LRP1B: variants seen among roughly 807,000 people sequenced by gnomAD.
LRP1B encodes the protein LDL receptor related protein 1B.
A neutral mutation model predicts 556.6 loss-of-function variants in LRP1B; 217 were observed. The ratio of observed to expected loss-of-function variants is 0.39; its 90% CI spans 0.35 to 0.44. The LOEUF is 0.44. LRP1B is among the 20% of genes least tolerant of loss of function. The pLI is 1.00. For synonymous variants in LRP1B, 2,047 were observed against 1,865.8 expected, an observed-to-expected ratio of 1.10 and a Z score of -2.50; for missense variants, 5,053 against 5,620.8, an observed-to-expected ratio of 0.90 and a Z score of 3.23.
chr2:140,912,076 C>T (rs1694435751), intron 21 of LRP1B, among the ~76,000 whole-genome samples: 1 of 151,636 alleles, frequency 6.6e-6, no homozygotes, highest in Admixed American at 6.6e-5. Flanking sequence ...CCCCCCTCTT[C>T]CTATTGATTT....
chr2:141,888,632 T>C (rs1364417055), intron 1 of LRP1B, among the ~76,000 whole-genome samples: 1 of 152,164 alleles, frequency 6.6e-6, no homozygotes, highest in Non-Finnish European at 1.5e-5. Flanking sequence ...TTCCACAACA[T>C]TCTAAAAGAT....
intron 2 of LRP1B, among the ~76,000 whole-genome samples, chr2:141,731,777 C>T (rs1371170601): frequency 1.3e-5 from 2 of 152,162 alleles, no homozygotes; most frequent in Non-Finnish European, 2.9e-5. Context: ...GAAATGTGGA[C>T]ACTAACCTCA....
chr2:141,618,714 T>C (rs1028919956), intron 2 of LRP1B, among the ~76,000 whole-genome samples: 1 of 152,152 alleles, frequency 6.6e-6, no homozygotes, highest in African/African-American at 2.4e-5. Context: ...GGATATGTTT[T>C]GGTGTGTTGA....
chr2:141,888,829 G>A (rs911457229), intron 1 of LRP1B, among the ~76,000 whole-genome samples: 1 of 152,180 alleles, frequency 6.6e-6, no homozygotes, highest in Non-Finnish European at 1.5e-5. Flanking sequence ...CAGGTAATGT[G>A]TTGAAGGATG....
At chr2:141,407,593 A>C (rs994565371) in intron 3 of LRP1B, among the ~76,000 whole-genome samples, 30 of 151,976 alleles carry the variant, frequency 2.0e-4, no homozygotes, top group African/African-American at 7.0e-4. Flanking sequence ...GGTGGTTTAA[A>C]AATTTGTGGC....
chr2:141,219,471 G>A (rs532171569), intron 6 of LRP1B, among the ~76,000 whole-genome samples: 2 of 152,326 alleles, frequency 1.3e-5, no homozygotes, highest in South Asian at 4.1e-4. Context: ...GACCCTGGGG[G>A]AAGGTGTGAC....
chr2:141,108,334 CTTTTTTTTTTTTTT>C (rs60275697), intron 7 of LRP1B, among the ~76,000 whole-genome samples: 16 of 88,522 alleles, frequency 1.8e-4, no homozygotes, highest in South Asian at 7.6e-4. Flanking sequence ...TAATCTGTTT[CTTTTTTTTTTTTTT>C]TTTTTTTTTT....
chr2:142,070,793 A>C (rs1046578086), intron 1 of LRP1B, among the ~76,000 whole-genome samples: 11 of 151,920 alleles, frequency 7.2e-5, no homozygotes, highest in African/African-American at 2.4e-4. Context: ...ACAGGACATC[A>C]TATTGCATGT....
intron 2 of LRP1B, among the ~76,000 whole-genome samples, chr2:141,795,568 C>G (rs1056886481): frequency 6.6e-6 from 1 of 151,670 alleles, no homozygotes; most frequent in African/African-American, 2.4e-5. Flanking sequence ...TAATGACAGG[C>G]AGTCAGTACA....
intron 2 of LRP1B, among the ~76,000 whole-genome samples, chr2:141,654,802 T>C (rs552813835): frequency 9.2e-5 from 14 of 151,914 alleles, no homozygotes; most frequent in Admixed American, 3.3e-4. Context: ...AGAATAGAAG[T>C]ACTACTTTAA....
chr2:141,298,300 T>C (rs1007387227), intron 3 of LRP1B, among the ~76,000 whole-genome samples: 3 of 152,198 alleles, frequency 2.0e-5, no homozygotes, highest in Non-Finnish European at 2.9e-5. Flanking sequence ...CTATATGTCA[T>C]GCCTGATAGG....
intron 4 of LRP1B, among the ~76,000 whole-genome samples, chr2:141,251,994 C>A (rs188447171): frequency 6.6e-6 from 1 of 151,944 alleles, no homozygotes; most frequent in Non-Finnish European, 1.5e-5. Context: ...CCACCAGTTT[C>A]CAGGAGGGTA....
intron 57 of LRP1B, among the ~76,000 whole-genome samples, chr2:140,489,747 C>T (rs192700423): frequency 6.6e-6 from 1 of 151,972 alleles, no homozygotes. Flanking sequence ...AATTAGAGAG[C>T]TTTGCAGGGA....
intron 2 of LRP1B, among the ~76,000 whole-genome samples, chr2:141,535,542 A>T (rs927899364): frequency 7.7e-6 from 1 of 129,888 alleles, no homozygotes; most frequent in Non-Finnish European, 1.8e-5. Flanking sequence ...AATGGTATAA[A>T]AAAAAAAAAG....
chr2:140,378,563 C>T (rs1160945712), intron 67 of LRP1B, among the ~76,000 whole-genome samples: 2 of 152,016 alleles, frequency 1.3e-5, no homozygotes, highest in African/African-American at 2.4e-5. Flanking sequence ...TAAAAATAAG[C>T]CTGAAAATGT....
At chr2:141,732,304 T>G (rs1405368453) in intron 2 of LRP1B, among the ~76,000 whole-genome samples, 2 of 152,148 alleles carry the variant, frequency 1.3e-5, no homozygotes, top group South Asian at 2.1e-4. Context: ...GACATAGAAA[T>G]CACCCAGATT....
Position 141,015,513 on chromosome 2 carries a change from C to A in LRP1B, c.2190+183G>T, listed in dbSNP as rs944135410. ...CATACCACAGTGAGCTGGGCCTGGT[C>A]TCCCAGAGGCAAGTGCCAGCTGCAC... On this transcript the variant is annotated intron_variant, in intron 13 of 90. Coordinates refer to ENST00000389484, the MANE Select transcript of LRP1B (RefSeq NM_018557.3). 4.9e-4 allele frequency among the ~76,000 whole-genome samples: 75 copies of A among 152,160 alleles called. 1 individual carries two copies. The highest frequency in any genetic ancestry group is 1.5e-3 in the African/African-American group (62 of 41,554).
At chr2:141,383,754 T>C (rs1689726544) in intron 3 of LRP1B, among the ~76,000 whole-genome samples, 1 of 152,170 alleles carries the variant, frequency 6.6e-6, no homozygotes, top group Non-Finnish European at 1.5e-5. Context: ...TATGTCCAGA[T>C]GCAGAGAAAA....
chr2:140,303,340 C>T (rs112629647), intron 83 of LRP1B, among the ~76,000 whole-genome samples: 2,583 of 151,974 alleles, frequency 0.017, 78 homozygotes, highest in African/African-American at 0.06. Context: ...CTCCGCCTCC[C>T]GGGTTCACGC....
Sources: gnomAD v4.1 joint callset for allele counts (sites outside exome capture counted in the v4.1 genomes callset) on GRCh38, gnomAD v4.1.1 for gene constraint, MANE v1.5 for transcripts, NCBI Gene and HGNC (gene_info 2026-07-23, HGNC 2026-07-21) for gene names.